FAM227B: variants seen among roughly 807,000 people sequenced by gnomAD.
FAM227B encodes family with sequence similarity 227 member B, also known as protein FAM227B.
A neutral mutation model predicts 73.8 loss-of-function variants in FAM227B; 88 were observed. The ratio of observed to expected loss-of-function variants is 1.19; its 90% confidence interval spans 1.00 to 1.42. FAM227B has a LOEUF of 1.42. FAM227B is among the 40% of genes most tolerant of loss of function. FAM227B has a pLI of 0.00. For missense variants in FAM227B, 632 were observed against 590.9 expected, an observed-to-expected ratio of 1.07 and a Z score of -0.72; for synonymous variants, 210 against 190.5, an observed-to-expected ratio of 1.10 and a Z score of -0.84.
intron 10 of FAM227B, among the ~76,000 whole-genome samples, chr15:49,533,780 T>C (rs1488834876): frequency 6.6e-6 from 1 of 151,906 alleles, no homozygotes; most frequent in African/African-American, 2.4e-5. Context: ...AATAAGTCTC[T>C]TGTAGGCAGC....
intron 11 of FAM227B, among the ~76,000 whole-genome samples, chr15:49,454,518 A>G (rs1471711335): frequency 6.6e-6 from 1 of 152,222 alleles, no homozygotes; most frequent in Non-Finnish European, 1.5e-5. Flanking sequence ...ATGAGAAAAC[A>G]TTGGTTCCAC....
intron 10 of FAM227B, among the ~76,000 whole-genome samples, chr15:49,533,938 T>C (rs1054440337): frequency 6.6e-6 from 1 of 151,864 alleles, no homozygotes; most frequent in African/African-American, 2.4e-5. Context: ...TGTAGATCCT[T>C]TGCTCATTTA....
At chr15:49,345,106 G>A (rs2041274579) in intron 13 of FAM227B, among the ~76,000 whole-genome samples, 1 of 152,232 alleles carries the variant, frequency 6.6e-6, no homozygotes, top group East Asian at 1.9e-4. Context: ...GCTCTCTTGA[G>A]TATCATTTCC....
intron 9 of FAM227B, among the ~76,000 whole-genome samples, chr15:49,562,199 T>G (rs1453532884): frequency 6.6e-6 from 1 of 151,786 alleles, no homozygotes; most frequent in Non-Finnish European, 1.5e-5. Context: ...TACAATAGAT[T>G]CTCAGAGACT....
At chr15:49,329,158 G>A in intron 15 of FAM227B, 1 of 987,788 alleles carries the variant, frequency 1.0e-6, no homozygotes, top group Non-Finnish European at 1.2e-6. Flanking sequence ...AAGCAGGTAT[G>A]CAGGTATGTG....
chr15:49,441,732 A>AT (rs1258194360), intron 11 of FAM227B, among the ~76,000 whole-genome samples: 6 of 151,628 alleles, frequency 4.0e-5, no homozygotes, highest in Admixed American at 6.6e-5. Flanking sequence ...CATAATTCTT[A>AT]TTCTTTATTA....
intron 3 of FAM227B, among the ~76,000 whole-genome samples, chr15:49,604,654 C>A (rs2077399563): frequency 6.6e-6 from 1 of 151,352 alleles, no homozygotes; most frequent in Admixed American, 6.6e-5. Flanking sequence ...TTTTCTCTTT[C>A]TCTTCTCCTT....
chr15:49,446,827 G>C (rs2052263386), intron 11 of FAM227B, among the ~76,000 whole-genome samples: 1 of 151,526 alleles, frequency 6.6e-6, no homozygotes, highest in Non-Finnish European at 1.5e-5. Context: ...AAGGAAGGAT[G>C]TTAGGAAGTA....
At chr15:49,453,816 G>A (rs1415487026) in intron 11 of FAM227B, among the ~76,000 whole-genome samples, 1 of 151,928 alleles carries the variant, frequency 6.6e-6, no homozygotes, top group Non-Finnish European at 1.5e-5. Context: ...GTTCCCAATT[G>A]AATTCAGGAT....
At chr15:49,495,228 T>G (rs1404459375) in intron 11 of FAM227B, among the ~76,000 whole-genome samples, 1 of 152,110 alleles carries the variant, frequency 6.6e-6, no homozygotes, top group Non-Finnish European at 1.5e-5. Flanking sequence ...CATGGAAAAT[T>G]ATCTTGGAAG....
chr15:49,358,478 C>A (rs2151378640), intron 13 of FAM227B, among the ~76,000 whole-genome samples: 1 of 143,806 alleles, frequency 7.0e-6, no homozygotes, highest in South Asian at 2.3e-4. Context: ...GAGTGAACTC[C>A]CATTCACAAT....
chr15:49,619,200 T>A (rs1044161701), intron 1 of FAM227B, among the ~76,000 whole-genome samples: 2 of 152,190 alleles, frequency 1.3e-5, no homozygotes, highest in African/African-American at 4.8e-5. Context: ...ACCGATATTT[T>A]GGGGTTTTCT....
intron 13 of FAM227B, among the ~76,000 whole-genome samples, chr15:49,354,941 C>G (rs1006424975): frequency 3.3e-5 from 5 of 151,762 alleles, no homozygotes; most frequent in Admixed American, 2.7e-4. Context: ...CCCTGACCCT[C>G]GAGCAGCCTA....
chr15:49,530,324 C>T (rs1376540255), intron 10 of FAM227B, among the ~76,000 whole-genome samples: 1 of 151,664 alleles, frequency 6.6e-6, no homozygotes, highest in Non-Finnish European at 1.5e-5. Context: ...TTCACAGCAT[C>T]AATAAAATCA....
chr15:49,485,238 T>A (rs2056308460), intron 11 of FAM227B: 1 of 152,276 alleles, frequency 6.6e-6, no homozygotes, highest in African/African-American at 2.4e-5. Flanking sequence ...ATACTGTACT[T>A]CATCTTACTT....
intron 9 of FAM227B, among the ~76,000 whole-genome samples, chr15:49,564,769 A>G (rs143720022): frequency 1.4e-4 from 21 of 152,168 alleles, no homozygotes; most frequent in African/African-American, 4.3e-4. Flanking sequence ...GTTCTCACTT[A>G]TAAGTGGGAG....
At chr15:49,544,915 G>A (rs1441546403) in intron 9 of FAM227B, among the ~76,000 whole-genome samples, 5 of 152,002 alleles carry the variant, frequency 3.3e-5, no homozygotes, top group South Asian at 4.1e-4. Context: ...CTAGTATTTC[G>A]TTGAGGATTT....
intron 11 of FAM227B, among the ~76,000 whole-genome samples, chr15:49,493,946 T>C (rs2057359304): frequency 1.3e-5 from 2 of 151,776 alleles, no homozygotes; most frequent in South Asian, 4.1e-4. Context: ...ACTGTAATAG[T>C]GTTAATAAAA....
intron 11 of FAM227B, among the ~76,000 whole-genome samples, chr15:49,402,866 A>G (rs940650998): frequency 2.6e-5 from 4 of 152,188 alleles, no homozygotes; most frequent in African/African-American, 9.7e-5. Flanking sequence ...CCGATTTTCA[A>G]TAGGAATGCT....
Sources: allele counts gnomAD v4.1 joint callset (sites outside exome capture counted in the v4.1 genomes callset), GRCh38; gene constraint gnomAD v4.1.1; transcripts MANE v1.5; gene names NCBI Gene and HGNC (gene_info 2026-07-23, HGNC 2026-07-21).